The following HS3ST2 variants were observed in gnomAD, a reference collection of about 807,000 sequenced individuals.
HS3ST2 encodes the protein heparan sulfate-glucosamine 3-sulfotransferase 2.
Under a neutral mutation model 26.3 loss-of-function variants are expected in HS3ST2, and 17 were observed. The ratio of observed to expected loss-of-function variants is 0.65; its 90% CI spans 0.44 to 0.97. The LOEUF (loss-of-function observed/expected upper bound fraction) is 0.97, where lower values mean the gene tolerates loss of function less well. Ranked by LOEUF, HS3ST2 falls within the 50% of genes least tolerant of loss-of-function variation. HS3ST2 has a pLI of 0.00. For missense variants in HS3ST2, 402 were observed against 501.2 expected (o/e 0.80, Z 1.89); for synonymous variants, 237 against 219.2 (o/e 1.08, Z -0.72).
rs566947220 is a variant in HS3ST2, at chr16:22,814,606, G to C, written c.-5G>C. 6 of 1,527,028 alleles carry C rather than the reference G, an allele frequency of 3.9e-6. No homozygotes were observed. The African/African-American group carries it at 4.3e-5, about 11-fold the overall frequency. 94.6% of individuals were successfully genotyped at this position (1,527,028 alleles called of 1,614,324 possible). ...CCATGACCCCCGGCGCGGGCCCATG[G>C]AGCCATGGCCTATAGGGTCCTGGGC... is the stretch of plus-strand genomic sequence containing the variant. On this transcript the variant is annotated 5_prime_UTR_variant, in exon 1 of 2. Coordinates refer to ENST00000261374, the MANE Select transcript of HS3ST2 (RefSeq NM_006043.2).
Position 22,814,873 on chromosome 16 carries a change from CGCCCGCCGCCGCCGT to C in HS3ST2, c.271_285del (p.Ala91_Ala95del). 1.3e-6 allele frequency: 2 copies of C among 1,556,782 alleles called. No individual in the cohort carries two copies. Among genetic ancestry groups the C allele is most frequent in the Non-Finnish European group, 1.7e-6 (2 of 1,151,320 alleles). ...CCCAGCGAGCCCAGCGCTCCCAGCG[CGCCCGCCGCCGCCGT>C]GCCCGCCCCTCGCCTCTCCGGTTCC... On this transcript the variant is annotated inframe_deletion, in exon 1 of 2. Transcript: ENST00000261374.
chr16:22,832,169 T>TA (rs1238257057), intron 1 of HS3ST2, among the ~76,000 whole-genome samples: 3 of 147,712 alleles, frequency 2.0e-5, no homozygotes, highest in African/African-American at 7.5e-5. Context: ...TTTTTTTTTT[T>TA]AATTTTTAGT....
At chr16:22,863,902 T>A (rs899573589) in intron 1 of HS3ST2, among the ~76,000 whole-genome samples, 2 of 152,136 alleles carry the variant, frequency 1.3e-5, no homozygotes, top group Non-Finnish European at 2.9e-5. Flanking sequence ...CCGTGTTGAG[T>A]TTGGAAGGTT....
At chr16:22,853,024 A>C (rs1901539182) in intron 1 of HS3ST2, among the ~76,000 whole-genome samples, 1 of 152,000 alleles carries the variant, frequency 6.6e-6, no homozygotes, top group South Asian at 2.1e-4. Context: ...TTTTTCACCC[A>C]CTTTGAAGAG....
chr16:22,860,629 A>C (rs1901661105), intron 1 of HS3ST2, among the ~76,000 whole-genome samples: 2 of 152,114 alleles, frequency 1.3e-5, no homozygotes, highest in African/African-American at 4.8e-5. Context: ...TGCAATCCTC[A>C]ACACTTACAC....
At chr16:22,867,868 T>A (rs954768076) in intron 1 of HS3ST2, among the ~76,000 whole-genome samples, 1 of 152,196 alleles carries the variant, frequency 6.6e-6, no homozygotes, top group African/African-American at 2.4e-5. Flanking sequence ...TTTAGTATAG[T>A]TTTATTTGAC....
chr16:22,822,445 G>T (rs1232598896), intron 1 of HS3ST2, among the ~76,000 whole-genome samples: 1 of 152,252 alleles, frequency 6.6e-6, no homozygotes, highest in South Asian at 2.1e-4. Flanking sequence ...TGGGATTACA[G>T]GTGTGAGCCA....
chr16:22,894,162 C>T (rs1453185560), intron 1 of HS3ST2, among the ~76,000 whole-genome samples: 1 of 152,016 alleles, frequency 6.6e-6, no homozygotes, highest in Non-Finnish European at 1.5e-5. Context: ...AGATTGGACT[C>T]GACACTTTGA....
chr16:22,868,864 A>G (rs981848946), intron 1 of HS3ST2, among the ~76,000 whole-genome samples: 4 of 152,014 alleles, frequency 2.6e-5, no homozygotes, highest in Non-Finnish European at 4.4e-5. Context: ...TTTAAAATAC[A>G]TGGACCCATT....
At chr16:22,841,357 G>A (rs541538094) in intron 1 of HS3ST2, among the ~76,000 whole-genome samples, 4 of 152,064 alleles carry the variant, frequency 2.6e-5, no homozygotes, top group Non-Finnish European at 4.4e-5. Flanking sequence ...CACAGCGCCC[G>A]GCCTCACTCC....
intron 1 of HS3ST2, among the ~76,000 whole-genome samples, chr16:22,895,643 A>T (rs960277912): frequency 6.6e-6 from 1 of 152,158 alleles, no homozygotes; most frequent in Admixed American, 6.5e-5. Flanking sequence ...CCTATTTCCA[A>T]CAATTTTTAA....
intron 1 of HS3ST2, among the ~76,000 whole-genome samples, chr16:22,819,429 T>G (rs956669833): frequency 6.6e-6 from 1 of 152,190 alleles, no homozygotes; most frequent in African/African-American, 2.4e-5. Flanking sequence ...GGGTCATCTT[T>G]TATAAACAGA....
At chr16:22,882,227 C>T (rs200662291) in intron 1 of HS3ST2, among the ~76,000 whole-genome samples, 3 of 152,004 alleles carry the variant, frequency 2.0e-5, no homozygotes, top group African/African-American at 4.8e-5. Context: ...CCAGGCATGG[C>T]GGTGCACACC....
rs1321059282 is a variant in HS3ST2, at chr16:22,814,982, G to A, written c.372G>A (p.Lys124=). ...LPQALIVGVK[K]GGTRAVLEFI... Reference sequence around the variant, plus strand: ...AAGCCCTCATTGTGGGCGTGAAGAAGGGGGGCACCCGGGCCGTGCTGGAGT... The same window carrying A: ...AAGCCCTCATTGTGGGCGTGAAGAAAGGGGGCACCCGGGCCGTGCTGGAGT... The change falls in exon 1 of 2, where the codon AAG becomes AAA. Residue 124 remains lysine (K), a synonymous_variant. Transcript: ENST00000261374. The A allele has an allele frequency of 6.2e-7, 1 of 1,612,962 alleles. No homozygotes were observed. Among genetic ancestry groups the A allele is most frequent in the Non-Finnish European group, 8.5e-7 (1 of 1,179,932 alleles).
chr16:22,906,008 A>C (rs981588938), intron 1 of HS3ST2, among the ~76,000 whole-genome samples: 5 of 152,112 alleles, frequency 3.3e-5, no homozygotes, highest in African/African-American at 4.8e-5. Context: ...CACGTGGCTA[A>C]AGGAAGGTGC....
intron 1 of HS3ST2, among the ~76,000 whole-genome samples, chr16:22,840,856 C>T (rs564744534): frequency 5.3e-5 from 8 of 152,112 alleles, no homozygotes; most frequent in Non-Finnish European, 1.0e-4. Context: ...GGTACATGTG[C>T]ACAACGTGCA....
intron 1 of HS3ST2, among the ~76,000 whole-genome samples, chr16:22,895,316 C>T (rs1050111951): frequency 1.3e-5 from 2 of 152,162 alleles, no homozygotes; most frequent in African/African-American, 4.8e-5. Flanking sequence ...TCTTGAACTC[C>T]TGACCTCAGG....
At position 22,873,209 on chromosome 16, in the gene HS3ST2, C is replaced by A. The variant is rs555477279; in HGVS notation, c.486-41735C>A. On this transcript the variant is annotated intron_variant, in intron 1 of 1. Coordinates refer to ENST00000261374, the MANE Select transcript of HS3ST2 (RefSeq NM_006043.2). The stretch of plus-strand genomic sequence containing the variant: ...ACTTCGGAGCTAGCAGAGTGGAATT[C>A]AAAGCCTGGCTCCATCACTCCAAGG... Among the ~76,000 whole-genome samples, 3 of 152,304 alleles carry A rather than the reference C, an allele frequency of 2.0e-5. No homozygotes were observed. The East Asian group carries it at 5.8e-4, about 29-fold the overall frequency.
chr16:22,837,786 A>G (rs1415492758), intron 1 of HS3ST2, among the ~76,000 whole-genome samples: 1 of 151,972 alleles, frequency 6.6e-6, no homozygotes, highest in African/African-American at 2.4e-5. Flanking sequence ...ACTATAATAA[A>G]GTTATGTTCA....
Sources: allele counts gnomAD v4.1 joint callset (sites outside exome capture counted in the v4.1 genomes callset), GRCh38; gene constraint gnomAD v4.1.1; transcripts MANE v1.5; gene names NCBI Gene and HGNC (gene_info 2026-07-23, HGNC 2026-07-21).